Variants in GABRA4 observed in about 807,000 individuals in gnomAD.
The protein encoded by GABRA4 is gamma-aminobutyric acid type A receptor subunit alpha4.
GABRA4 carries 12 observed loss-of-function variants against 49.7 expected under a neutral mutation model. That is an observed-to-expected ratio of 0.24 (90% confidence interval 0.15 to 0.39). The LOEUF (loss-of-function observed/expected upper bound fraction) is 0.39. Ranked by LOEUF, GABRA4 falls within the 10% of genes least tolerant of loss-of-function variation. The pLI, the probability that GABRA4 is intolerant of heterozygous loss-of-function variation, is 1.00. For missense variants in GABRA4, 506 were observed against 686.0 expected, an observed-to-expected ratio of 0.74 and a Z score of 2.93; for synonymous variants, 288 against 240.2, an observed-to-expected ratio of 1.20 and a Z score of -1.84.
Position 46,952,378 on chromosome 4 carries a change from GCATGC to G in GABRA4, c.1134+12587_1134+12591del, listed in dbSNP as rs1722202202. The stretch of plus-strand genomic sequence containing the variant: ...GAAATACTAGAAAATATTAAGAAAA[GCATGC>G]CATGCCATACAATCTGAGTGAAAAG... On this transcript the variant is annotated intron_variant, in intron 8 of 8. Coordinates refer to ENST00000264318, the MANE Select transcript of GABRA4 (RefSeq NM_000809.4). Among the ~76,000 whole-genome samples, 3 of 152,150 alleles carry G rather than the reference GCATGC, an allele frequency of 2.0e-5. No homozygotes were observed. In the South Asian group the frequency reaches 6.2e-4, roughly 32 times the overall value.
intron 7 of GABRA4, among the ~76,000 whole-genome samples, chr4:46,966,596 A>G (rs1168377714): frequency 6.6e-6 from 1 of 151,712 alleles, no homozygotes; most frequent in African/African-American, 2.4e-5. Context: ...CAGGTTTATA[A>G]TATGTCACAT....
chr4:46,952,819 C>T (rs771538734), intron 8 of GABRA4, among the ~76,000 whole-genome samples: 7 of 151,238 alleles, frequency 4.6e-5, no homozygotes, highest in Non-Finnish European at 4.4e-5. Flanking sequence ...ACTCACATTG[C>T]GATATAAATG....
intron 8 of GABRA4, among the ~76,000 whole-genome samples, chr4:46,941,006 G>A (rs1721769579): frequency 6.6e-6 from 1 of 151,998 alleles, no homozygotes; most frequent in Non-Finnish European, 1.5e-5. Context: ...TGACAAGAAA[G>A]CCAATTTTGC....
intron 8 of GABRA4, among the ~76,000 whole-genome samples, chr4:46,954,422 T>C (rs1722273602): frequency 1.3e-5 from 2 of 151,990 alleles, no homozygotes; most frequent in African/African-American, 2.4e-5. Flanking sequence ...TTGGGCATTG[T>C]GGCAGGCGCC....
intron 8 of GABRA4, 30 bp from the exon 9 acceptor site, chr4:46,928,785 T>C: frequency 7.1e-7 from 1 of 1,411,272 alleles, no homozygotes; most frequent in African/African-American, 1.4e-5. Flanking sequence ...AATATATTGG[T>C]TATGTAACTT....
intron 2 of GABRA4, among the ~76,000 whole-genome samples, chr4:46,988,342 A>G (rs1202232345): frequency 6.6e-6 from 1 of 152,170 alleles, no homozygotes; most frequent in Non-Finnish European, 1.5e-5. Flanking sequence ...TATCTTCACA[A>G]CCTTACATTT....
At chr4:46,989,328 C>G (rs543688793) in intron 2 of GABRA4, among the ~76,000 whole-genome samples, 1 of 152,262 alleles carries the variant, frequency 6.6e-6, no homozygotes, top group South Asian at 2.1e-4. Flanking sequence ...TATTTTCTGG[C>G]TCCTTTGTGG....
chr4:46,940,282 G>A (rs1174420006), intron 8 of GABRA4, among the ~76,000 whole-genome samples: 1 of 151,816 alleles, frequency 6.6e-6, no homozygotes, highest in Non-Finnish European at 1.5e-5. Flanking sequence ...TTTTTCCTTT[G>A]GTACATAGGA....
At chr4:46,989,041 T>G (rs1222467248) in intron 2 of GABRA4, among the ~76,000 whole-genome samples, 1 of 152,198 alleles carries the variant, frequency 6.6e-6, no homozygotes, top group Non-Finnish European at 1.5e-5. Flanking sequence ...GTGAATAACC[T>G]TACAAAATTG....
chr4:46,942,851 G>A (rs1721854899), intron 8 of GABRA4, among the ~76,000 whole-genome samples: 1 of 152,002 alleles, frequency 6.6e-6, no homozygotes, highest in Non-Finnish European at 1.5e-5. Flanking sequence ...ATCTTCAGGT[G>A]AATGGGCCTG....
chr4:46,971,147 T>C lies in GABRA4; in HGVS notation c.810A>G (p.Thr270=), dbSNP rs916111984. Residue 270 remains threonine (T), a synonymous_variant, in exon 7 of 9, where the codon ACA becomes ACG. Transcript: ENST00000264318. The part of the protein sequence containing the change: ...MIQTYIPCIM[T]VILSQVSFWI... ...AAAATGAAACTTGAGAAAGAATCAC[T>C]GTCATAATGCACGGAATATAGGTCT... 2 of 1,609,518 alleles carry C rather than the reference T, an allele frequency of 1.2e-6. No individual in the cohort carries two copies. The highest frequency in any genetic ancestry group is 2.7e-5 in the African/African-American group (2 of 74,648).
rs550609087 is a variant in GABRA4, at chr4:46,933,865, G to C, written c.1135-5110C>G. On this transcript the variant is annotated intron_variant, in intron 8 of 8. Coordinates refer to ENST00000264318, the MANE Select transcript of GABRA4 (RefSeq NM_000809.4). ...AATTACTTTGTCATTAGTCACAATA[G>C]CCTGAAGCAAGAAAAGAGATGCAAG... is the stretch of plus-strand genomic sequence containing the variant. Among the ~76,000 whole-genome samples, 15 of 152,298 alleles carry C rather than the reference G, an allele frequency of 9.8e-5. No homozygotes were observed. The South Asian group carries it at 3.1e-3, about 32-fold the overall frequency.
chr4:46,989,480 TCGCC>T (rs1723667277), intron 2 of GABRA4, among the ~76,000 whole-genome samples: 1 of 152,190 alleles, frequency 6.6e-6, no homozygotes, highest in African/African-American at 2.4e-5. Flanking sequence ...CCCTCTCTTC[TCGCC>T]TTTTCCCCTT....
intron 8 of GABRA4, among the ~76,000 whole-genome samples, chr4:46,949,640 A>G (rs1409669986): frequency 2.6e-5 from 4 of 152,158 alleles, no homozygotes; most frequent in Non-Finnish European, 4.4e-5. Context: ...ATTTTATCTC[A>G]ATAATATATT....
chr4:46,971,016 A>T (rs1722932626), intron 7 of GABRA4, 67 bp downstream of exon 7: 1 of 1,457,064 alleles, frequency 6.9e-7, no homozygotes, highest in Admixed American at 2.0e-5. Context: ...TTTTCTTAGA[A>T]ATATCCCATG....
chr4:46,954,735 A>C (rs1238666543), intron 8 of GABRA4, among the ~76,000 whole-genome samples: 1 of 152,164 alleles, frequency 6.6e-6, no homozygotes, highest in African/African-American at 2.4e-5. Flanking sequence ...TTAAAGCTAC[A>C]CTACACTGGA....
At chr4:46,955,214 A>T (rs1577766111) in intron 8 of GABRA4, among the ~76,000 whole-genome samples, 1 of 151,948 alleles carries the variant, frequency 6.6e-6, no homozygotes, top group Admixed American at 6.6e-5. Context: ...ACACATACAC[A>T]CCCTACCATA....
At chr4:46,986,376 T>A (rs1456294508) in intron 2 of GABRA4, among the ~76,000 whole-genome samples, 2 of 152,190 alleles carry the variant, frequency 1.3e-5, no homozygotes, top group Non-Finnish European at 2.9e-5. Flanking sequence ...TCTTACTTCA[T>A]CTGTCAGGAG....
chr4:46,931,490 T>C (rs186148359), intron 8 of GABRA4, among the ~76,000 whole-genome samples: 1 of 152,242 alleles, frequency 6.6e-6, no homozygotes, highest in African/African-American at 2.4e-5. Flanking sequence ...TGAATTGTGT[T>C]CTATATAATA....
Sources: allele counts gnomAD v4.1 joint callset (sites outside exome capture counted in the v4.1 genomes callset), GRCh38; gene constraint gnomAD v4.1.1; transcripts MANE v1.5; gene names NCBI Gene and HGNC (gene_info 2026-07-23, HGNC 2026-07-21).